VPS13B: variants seen among roughly 807,000 people sequenced by gnomAD.
VPS13B encodes intermembrane lipid transfer protein VPS13B.
Under a neutral mutation model 426.4 loss-of-function variants are expected in VPS13B, and 285 were observed. The observed-to-expected ratio is 0.67, with a 90% CI of 0.61 to 0.74. The LOEUF is 0.74. VPS13B is among the 30% of genes least tolerant of loss of function. VPS13B has a pLI of 0.00. For missense variants in VPS13B, 4,537 were observed against 4,782.6 expected (o/e 0.95, Z 1.51); for synonymous variants, 1,676 against 1,676.4 (o/e 1.00, Z 0.01).
intron 17 of VPS13B, among the ~76,000 whole-genome samples, chr8:99,196,117 T>C (rs954765593): frequency 2.6e-5 from 4 of 152,206 alleles, no homozygotes; most frequent in Non-Finnish European, 5.9e-5. Context: ...AGGGGTCGCA[T>C]TGAATTTGTA....
chr8:99,759,062 A>G (rs982122434), intron 39 of VPS13B, among the ~76,000 whole-genome samples: 3 of 151,902 alleles, frequency 2.0e-5, no homozygotes, highest in Non-Finnish European at 4.4e-5. Context: ...TGTTGTTGCC[A>G]TCTACTAACT....
At chr8:99,315,833 A>T (rs1283322953) in intron 19 of VPS13B, among the ~76,000 whole-genome samples, 10 of 151,920 alleles carry the variant, frequency 6.6e-5, no homozygotes, top group Admixed American at 6.6e-4. Flanking sequence ...GTTGCTTGAG[A>T]ATTATTGTGT....
intron 3 of VPS13B, among the ~76,000 whole-genome samples, chr8:99,070,224 T>G (rs1186413731): frequency 1.3e-5 from 2 of 152,206 alleles, no homozygotes; most frequent in Non-Finnish European, 2.9e-5. Flanking sequence ...CCATGAAATT[T>G]TTTTTAGTTC....
chr8:99,600,059 A>G (rs1046618309), intron 33 of VPS13B, among the ~76,000 whole-genome samples: 1 of 152,114 alleles, frequency 6.6e-6, no homozygotes, highest in Non-Finnish European at 1.5e-5. Context: ...AGCTTTAAAA[A>G]TTGTTGGGCT....
At chr8:99,019,161 AT>A (rs1206336327) in intron 2 of VPS13B, among the ~76,000 whole-genome samples, 1 of 151,274 alleles carries the variant, frequency 6.6e-6, no homozygotes, top group Non-Finnish European at 1.5e-5. Flanking sequence ...TTTTTTTAAA[AT>A]TGTGATAGAA....
chr8:99,459,726 G>A (rs900554943), intron 23 of VPS13B, among the ~76,000 whole-genome samples: 5 of 152,164 alleles, frequency 3.3e-5, no homozygotes, highest in African/African-American at 1.2e-4. Context: ...CCACCATTGT[G>A]TATGCAGTCT....
At position 99,327,277 on chromosome 8, in the gene VPS13B, C is replaced by T. The variant is rs73287815; in HGVS notation, c.2824+52023C>T. On this transcript the variant is annotated intron_variant, in intron 19 of 61. Coordinates refer to ENST00000357162, the MANE Select transcript of VPS13B (RefSeq NM_152564.5). ...AATTCAATTTAAATTTTGAAGTTTACCAATGACTAACCAAATATTATTAAA... is the reference window on the plus strand; with the variant it reads ...AATTCAATTTAAATTTTGAAGTTTATCAATGACTAACCAAATATTATTAAA... Among the ~76,000 whole-genome samples, 962 of 152,128 alleles carry T rather than the reference C, an allele frequency of 6.3e-3. 9 individuals carry two copies. Among genetic ancestry groups the T allele is most frequent in the Middle Eastern group, 0.041 (12 of 294 alleles).
At chr8:99,714,682 T>C (rs1287072102) in intron 36 of VPS13B, among the ~76,000 whole-genome samples, 1 of 152,168 alleles carries the variant, frequency 6.6e-6, no homozygotes, top group Non-Finnish European at 1.5e-5. Context: ...ACTTTGGTGG[T>C]ATTGTCAAAA....
intron 21 of VPS13B, among the ~76,000 whole-genome samples, chr8:99,416,708 A>C (rs1328238673): frequency 6.6e-6 from 1 of 152,064 alleles, no homozygotes; most frequent in Non-Finnish European, 1.5e-5. Flanking sequence ...GAGTGAGGCG[A>C]TGCCCCACCT....
intron 3 of VPS13B, among the ~76,000 whole-genome samples, chr8:99,080,856 T>A (rs1295384754): frequency 6.6e-6 from 1 of 152,170 alleles, no homozygotes; most frequent in Non-Finnish European, 1.5e-5. Context: ...GAAAGGTCAT[T>A]ATCTCTCTAT....
chr8:99,070,263 T>A (rs1341759294), intron 3 of VPS13B, among the ~76,000 whole-genome samples: 2 of 152,186 alleles, frequency 1.3e-5, no homozygotes, highest in Non-Finnish European at 2.9e-5. Context: ...TGTGATCTGT[T>A]ATATCCTGTT....
At chr8:99,261,466 A>G (rs1283112328) in intron 17 of VPS13B, among the ~76,000 whole-genome samples, 1 of 152,130 alleles carries the variant, frequency 6.6e-6, no homozygotes, top group Non-Finnish European at 1.5e-5. Context: ...TCATTCACCT[A>G]CTAAGGGACA....
At chr8:99,496,273 G>T (rs2133594633) in intron 25 of VPS13B, among the ~76,000 whole-genome samples, 1 of 152,314 alleles carries the variant, frequency 6.6e-6, no homozygotes, top group South Asian at 2.1e-4. Context: ...GGTCTAGAAA[G>T]TGGAACATTA....
At chr8:99,408,013 T>C (rs865889267) in intron 21 of VPS13B, among the ~76,000 whole-genome samples, 5 of 152,262 alleles carry the variant, frequency 3.3e-5, no homozygotes, top group Middle Eastern at 6.8e-3. Flanking sequence ...CTTCTCTTCA[T>C]GGACTAGCAA....
At chr8:99,462,663 TA>T (rs1473824620) in intron 23 of VPS13B, among the ~76,000 whole-genome samples, 4 of 152,214 alleles carry the variant, frequency 2.6e-5, no homozygotes, top group Non-Finnish European at 5.9e-5. Flanking sequence ...AAGGATTGAA[TA>T]TTTGTGTTCC....
rs1182351977 is a variant in VPS13B, at chr8:99,192,992, A to AGC, written c.2450_2451insGC (p.His817GlnfsTer11). ...CAAGCAATATATCAAAGTTGGTCTC[A>AGC]TCTTGGAAATGTCAGCTCTTCCGCA... On this transcript the variant is annotated frameshift_variant, in exon 17 of 62. Coordinates refer to ENST00000357162, the MANE Select transcript of VPS13B (RefSeq NM_152564.5). LOFTEE classifies it high-confidence loss of function. 4.3e-6 allele frequency: 7 copies of AGC among 1,613,674 alleles called. No individual in the cohort carries two copies. Among genetic ancestry groups the AGC allele is most frequent in the Middle Eastern group, 3.3e-4 (2 of 6,078 alleles).
chr8:99,602,652 A>G (rs1416026756), intron 33 of VPS13B, among the ~76,000 whole-genome samples: 2 of 152,220 alleles, frequency 1.3e-5, no homozygotes, highest in Non-Finnish European at 2.9e-5. Flanking sequence ...TCAGCCCAAA[A>G]TCTCCTTAAG....
At chr8:99,554,066 G>A (rs1824418537) in intron 30 of VPS13B, among the ~76,000 whole-genome samples, 1 of 151,972 alleles carries the variant, frequency 6.6e-6, no homozygotes, top group Non-Finnish European at 1.5e-5. Context: ...TAAAAGCAAT[G>A]TAAAAGTCTG....
chr8:99,315,284 A>T (rs948351115), intron 19 of VPS13B, among the ~76,000 whole-genome samples: 1 of 150,478 alleles, frequency 6.6e-6, no homozygotes, highest in Admixed American at 6.6e-5. Context: ...TGGTTGCTTG[A>T]TGATGGCCTC....
Sources: gnomAD v4.1 joint callset for allele counts (sites outside exome capture counted in the v4.1 genomes callset) on GRCh38, gnomAD v4.1.1 for gene constraint, MANE v1.5 for transcripts, NCBI Gene and HGNC (gene_info 2026-07-23, HGNC 2026-07-21) for gene names.